Variants in AAK1 observed in about 807,000 individuals in gnomAD.
AAK1 encodes the protein AP2-associated protein kinase 1.
In AAK1, 37 loss-of-function variants were observed where a neutral mutation model predicts 116.0. The observed-to-expected ratio is 0.32, with a 90% CI of 0.25 to 0.42. AAK1 has a LOEUF of 0.42. Ranked by LOEUF, AAK1 falls within the 10% of genes least tolerant of loss-of-function variation. The pLI, the probability that AAK1 is intolerant of heterozygous loss-of-function variation, is 1.00. For missense variants in AAK1, 919 were observed against 1,170.6 expected, an observed-to-expected ratio of 0.79 and a Z score of 3.14; for synonymous variants, 458 against 439.9, an observed-to-expected ratio of 1.04 and a Z score of -0.51.
rs368506781 is a variant in AAK1 at position 69,519,232 on chromosome 2, T to C, written c.1219A>G (p.Asn407Asp). The change falls in exon 12 of 22, where the codon AAT (asparagine) becomes GAT (aspartate). Residue 407 changes from asparagine (N) to aspartate (D), a missense_variant. By Grantham distance (23) the Asn-to-Asp change is conservative. This residue lies in a region of AAK1 where 214 missense variants were observed against 210.6 expected (regional missense o/e 1.02). Transcript: ENST00000409085. ...ACACTGGCTAAAAGGCCAGGCTGATTGCTGGATCCTGCAATGAGAATAAAG... is the reference window on the plus strand; with the variant it reads ...ACACTGGCTAAAAGGCCAGGCTGATCGCTGGATCCTGCAATGAGAATAAAG... ...QPPPQAAGSS[N>D]QPGLLASVPQ... 4 of 1,574,626 alleles carry C rather than the reference T, an allele frequency of 2.5e-6. No homozygotes were observed. The African/African-American group carries it at 5.4e-5, about 21-fold the overall frequency.
At chr2:69,495,902 G>T (rs1051133074) in intron 17 of AAK1, 83 bp downstream of exon 17, 1 of 1,088,490 alleles carries the variant, frequency 9.2e-7, no homozygotes, top group Non-Finnish European at 1.3e-6. Context: ...TCCTTTTCAC[G>T]GGGTATTTAA....
chr2:69,629,721 C>A (rs541424879), intron 2 of AAK1, among the ~76,000 whole-genome samples: 6 of 152,298 alleles, frequency 3.9e-5, no homozygotes, highest in African/African-American at 1.4e-4. Flanking sequence ...TAATATTCAT[C>A]CAGTTAATTC....
intron 16 of AAK1, among the ~76,000 whole-genome samples, chr2:69,500,696 T>TACACACACAC (rs1433743875): frequency 8.1e-5 from 8 of 99,366 alleles, no homozygotes; most frequent in African/African-American, 4.1e-4. Context: ...TATATATATA[T>TACACACACAC]ATACACACAC....
At chr2:69,520,359 T>TTTTC (rs72271532) in intron 11 of AAK1, among the ~76,000 whole-genome samples, 213 of 100,146 alleles carry the variant, frequency 2.1e-3, no homozygotes, top group African/African-American at 0.012. Flanking sequence ...AATTCTTTTC[T>TTTTC]TTTTTTTTTT....
intron 16 of AAK1, among the ~76,000 whole-genome samples, chr2:69,500,692 T>TATATATATATAC (rs1675940578): frequency 8.8e-6 from 1 of 113,474 alleles, no homozygotes; most frequent in Non-Finnish European, 1.7e-5. Flanking sequence ...TATATATATA[T>TATATATATATAC]ATATATACAC....
intron 5 of AAK1, among the ~76,000 whole-genome samples, chr2:69,538,765 C>T (rs947284788): frequency 7.2e-5 from 11 of 152,096 alleles, no homozygotes; most frequent in African/African-American, 2.7e-4. Context: ...ACCAGTAATC[C>T]CAGCTACTCG....
chr2:69,530,641 G>A lies in AAK1; in HGVS notation c.722C>T (p.Thr241Met), dbSNP rs765102060. The A allele has an allele frequency of 8.7e-6, 14 of 1,613,474 alleles. No individual in the cohort carries two copies. The highest frequency in any genetic ancestry group is 2.2e-5 in the East Asian group (1 of 44,878). The change falls in exon 7 of 22, where the codon ACG becomes ATG. Residue 241 changes from threonine (T) to methionine (M), a missense_variant. By Grantham distance (81) the Thr-to-Met change is moderately conservative. Coordinates refer to ENST00000409085, the MANE Select transcript of AAK1 (RefSeq NM_014911.5). ...VNLYSGKIIT[T>M]KADIWALGCL... The stretch of plus-strand genomic sequence containing the variant: ...GACACCTACCCAAATGTCTGCCTTC[G>A]TAGTGATGATTTTGCCACTGTACAG...
chr2:69,469,790 TTC>T lies in AAK1; in HGVS notation c.*6077_*6078del. The T allele has an allele frequency of 6.1e-6, 6 of 985,466 alleles. No individual in the cohort carries two copies. Among genetic ancestry groups the T allele is most frequent in the Non-Finnish European group, 7.2e-6 (6 of 829,928 alleles). The allele number at this position is 985,466 out of a possible 1,614,324, so 61.0% of individuals were successfully genotyped here. On this transcript the variant is annotated 3_prime_UTR_variant, in exon 22 of 22. Transcript: ENST00000409085. ...AATTAAGCAAGAAGTCAAAACATACTTCTTTTTCTTGCTCTGATGTAGGACTG... is the reference window on the plus strand; with the variant it reads ...AATTAAGCAAGAAGTCAAAACATACTTTTTTCTTGCTCTGATGTAGGACTG...
chr2:69,519,099 T>A lies in AAK1; in HGVS notation c.1352A>T (p.Gln451Leu). ...GGCCTGGGCCTGAGCGGGCAGACCC[T>A]GGGCCTGAGTAGAAGGCGTCTGCTG... ...TPQQTPSTQA[Q>L]GLPAQAQATP... is the part of the protein sequence containing the mutation. Residue 451 changes from glutamine (Q) to leucine (L), a missense_variant, in exon 12 of 22, where the codon CAG becomes CTG. Physicochemically the swap from Gln to Leu is moderately radical, Grantham distance 113 (BLOSUM62 -2). This residue lies in a region of AAK1 where 214 missense variants were observed against 210.6 expected (regional missense o/e 1.02). Transcript: ENST00000409085. 2 of 1,553,168 alleles carry A rather than the reference T, an allele frequency of 1.3e-6. No homozygotes were observed. Among genetic ancestry groups the A allele is most frequent in the Non-Finnish European group, 1.7e-6 (2 of 1,147,722 alleles).
chr2:69,472,574 C>G lies in AAK1; in HGVS notation c.*3295G>C. On this transcript the variant is annotated 3_prime_UTR_variant, in exon 22 of 22. Coordinates refer to ENST00000409085, the MANE Select transcript of AAK1 (RefSeq NM_014911.5). Reference sequence around the variant, plus strand: ...AATCATTAATTATAATAATTATAATCATACTTAGAAGTGTCCACTTAAGCC... The same window carrying G: ...AATCATTAATTATAATAATTATAATGATACTTAGAAGTGTCCACTTAAGCC... 1 of 951,804 alleles carries G rather than the reference C, an allele frequency of 1.1e-6. No individual in the cohort carries two copies. Among genetic ancestry groups the G allele is most frequent in the African/African-American group, 1.8e-5 (1 of 56,596 alleles). The allele number at this position is 951,804 out of a possible 1,614,324, so 59.0% of individuals were successfully genotyped here. A position where few individuals can be genotyped will look rare whatever the true frequency, so the allele number is the denominator to read the frequency against.
chr2:69,549,120 G>A (rs1671063046), intron 3 of AAK1, among the ~76,000 whole-genome samples: 1 of 152,060 alleles, frequency 6.6e-6, no homozygotes, highest in Admixed American at 6.5e-5. Flanking sequence ...TGTAATCCCA[G>A]CACTTTGGGA....
chr2:69,610,050 CAAA>C (rs760754177), intron 2 of AAK1, among the ~76,000 whole-genome samples: 27 of 53,510 alleles, frequency 5.0e-4, no homozygotes, highest in Admixed American at 4.1e-3. Flanking sequence ...GACTCTGTCT[CAAA>C]AAAAAAAAAA....
intron 2 of AAK1, among the ~76,000 whole-genome samples, chr2:69,571,103 G>A (rs754477317): frequency 6.6e-6 from 1 of 152,136 alleles, no homozygotes; most frequent in African/African-American, 2.4e-5. Flanking sequence ...CACAGGGCAA[G>A]GATTTTATTT....
At chr2:69,533,320 GTGTA>G (rs568911237) in intron 5 of AAK1, among the ~76,000 whole-genome samples, 9 of 152,150 alleles carry the variant, frequency 5.9e-5, no homozygotes, top group Admixed American at 2.0e-4. Flanking sequence ...GTGTAGGTGT[GTGTA>G]TGTGTGTGCA....
At position 69,542,505 on chromosome 2, in the gene AAK1, A is replaced by G; in HGVS notation, c.534+18T>C. ...AATATTGAGTAGAATGCCCGTAATGAAAGAGTGTGGTCTGTACCTTCAGGT... is the reference window on the plus strand; with the variant it reads ...AATATTGAGTAGAATGCCCGTAATGGAAGAGTGTGGTCTGTACCTTCAGGT... On this transcript the variant is annotated intron_variant, in intron 5 of 21. Transcript: ENST00000409085. 6.2e-7 allele frequency: 1 copy of G among 1,613,442 alleles called. No homozygotes were observed. The highest frequency in any genetic ancestry group is 8.5e-7 in the Non-Finnish European group (1 of 1,179,538).
chr2:69,552,581 C>T (rs1468000820), intron 3 of AAK1, among the ~76,000 whole-genome samples: 13 of 151,950 alleles, frequency 8.6e-5, no homozygotes, highest in Non-Finnish European at 1.3e-4. Flanking sequence ...CATGGTGGCG[C>T]GTACCTGTAC....
intron 3 of AAK1, among the ~76,000 whole-genome samples, chr2:69,550,654 C>T (rs1479153670): frequency 1.3e-5 from 2 of 150,936 alleles, no homozygotes; most frequent in Non-Finnish European, 2.9e-5. Flanking sequence ...CTTGTTCTGT[C>T]GCCCAGTCTG....
chr2:69,553,579 G>C (rs963997295), intron 3 of AAK1, among the ~76,000 whole-genome samples: 3 of 151,182 alleles, frequency 2.0e-5, no homozygotes, highest in African/African-American at 7.3e-5. Flanking sequence ...GAATAGCTGG[G>C]ATTACAGGCA....
intron 2 of AAK1, among the ~76,000 whole-genome samples, chr2:69,577,330 A>G (rs1017422965): frequency 2.6e-5 from 4 of 152,230 alleles, no homozygotes; most frequent in Admixed American, 6.5e-5. Context: ...CAGTTTACCA[A>G]TAAGTAAAAT....
Sources: gnomAD v4.1 joint callset for allele counts (sites outside exome capture counted in the v4.1 genomes callset) on GRCh38, gnomAD v4.1.1 for gene constraint, gnomAD v4.1.1 regional missense constraint, MANE v1.5 for transcripts, NCBI Gene and HGNC (gene_info 2026-07-23, HGNC 2026-07-21) for gene names.